NRG1: variants seen among roughly 807,000 people sequenced by gnomAD.
The protein encoded by NRG1 is neuregulin 1, also known as pro-neuregulin-1, membrane-bound isoform.
Under a neutral mutation model 63.8 loss-of-function variants are expected in NRG1, and 18 were observed. The ratio of observed to expected loss-of-function variants is 0.28; its 90% CI spans 0.19 to 0.42. The LOEUF is 0.42. Among genes scored for constraint, NRG1 ranks in the 10% least tolerant of loss-of-function variants. The pLI is 1.00. For missense variants in NRG1, 762 were observed against 814.7 expected (o/e 0.94, Z 0.79); for synonymous variants, 302 against 301.3 (o/e 1.00, Z -0.02).
At chr8:31,877,375 C>T (rs530283283) in intron 1 of NRG1, among the ~76,000 whole-genome samples, 5 of 152,126 alleles carry the variant, frequency 3.3e-5, no homozygotes, top group East Asian at 3.9e-4. Flanking sequence ...TAAGAATCAT[C>T]CACTTCAACA....
chr8:31,965,554 CT>C (rs1376548050), intron 1 of NRG1, among the ~76,000 whole-genome samples: 2 of 152,084 alleles, frequency 1.3e-5, no homozygotes, highest in African/African-American at 4.8e-5. Flanking sequence ...GATTTATTTT[CT>C]TTTGGATAAA....
At chr8:32,696,894 T>A (rs1055145646) in intron 5 of NRG1, among the ~76,000 whole-genome samples, 3 of 151,816 alleles carry the variant, frequency 2.0e-5, no homozygotes, top group Non-Finnish European at 2.9e-5. Flanking sequence ...ACTCTTGACA[T>A]CAGGTGATCC....
intron 1 of NRG1, among the ~76,000 whole-genome samples, chr8:32,215,032 G>A (rs569302504): frequency 6.6e-6 from 1 of 152,218 alleles, no homozygotes; most frequent in East Asian, 1.9e-4. Context: ...AGGAAATGGG[G>A]GACACCCAGT....
intron 1 of NRG1, among the ~76,000 whole-genome samples, chr8:31,663,579 A>C (rs1226322860): frequency 6.6e-6 from 1 of 152,196 alleles, no homozygotes; most frequent in Non-Finnish European, 1.5e-5. Flanking sequence ...TACTGCACCC[A>C]AAAGGGTATT....
At chr8:32,548,124 T>C (rs1487864415), upstream of NRG1, 1 of 773,086 alleles carries the variant, frequency 1.3e-6, no homozygotes, top group African/African-American at 1.9e-5. Flanking sequence ...GAAAAGGGGC[T>C]GCGCCCGGGA....
intron 1 of NRG1, among the ~76,000 whole-genome samples, chr8:31,846,189 T>G (rs1254918131): frequency 6.6e-6 from 1 of 152,226 alleles, no homozygotes; most frequent in Admixed American, 6.5e-5. Flanking sequence ...TGAAAGCAGG[T>G]GAATTCTAAA....
intron 1 of NRG1, among the ~76,000 whole-genome samples, chr8:31,786,612 G>A (rs1463325137): frequency 6.6e-6 from 1 of 152,178 alleles, no homozygotes; most frequent in Non-Finnish European, 1.5e-5. Context: ...CTATAAATTG[G>A]GGTTCCCTCA....
chr8:32,157,087 T>C (rs1563850100), intron 1 of NRG1, among the ~76,000 whole-genome samples: 1 of 148,294 alleles, frequency 6.7e-6, no homozygotes, highest in Non-Finnish European at 1.5e-5. Context: ...TGTGTGTGTG[T>C]GTGTAAGGAG....
chr8:31,875,188 C>T (rs1291684758), intron 1 of NRG1, among the ~76,000 whole-genome samples: 2 of 152,106 alleles, frequency 1.3e-5, no homozygotes, highest in South Asian at 2.1e-4. Flanking sequence ...CATTCTCCAC[C>T]ATTCCTTCAG....
At chr8:32,101,265 T>C (rs1023086896) in intron 1 of NRG1, among the ~76,000 whole-genome samples, 2 of 152,106 alleles carry the variant, frequency 1.3e-5, no homozygotes, top group Non-Finnish European at 2.9e-5. Context: ...ACTCACACTT[T>C]CCCCAGGTTT....
At chr8:31,822,309 G>A (rs576361130) in intron 1 of NRG1, among the ~76,000 whole-genome samples, 2 of 152,262 alleles carry the variant, frequency 1.3e-5, no homozygotes, top group East Asian at 3.9e-4. Flanking sequence ...TTATCTCTAT[G>A]TGGATGCTCA....
At chr8:32,664,653 A>T (rs942355158) in intron 5 of NRG1, among the ~76,000 whole-genome samples, 15 of 151,826 alleles carry the variant, frequency 9.9e-5, no homozygotes, top group African/African-American at 3.4e-4. Context: ...ATGATGATGA[A>T]GATGGTGATG....
chr8:31,968,321 T>C (rs1806706526), intron 1 of NRG1, among the ~76,000 whole-genome samples: 1 of 152,188 alleles, frequency 6.6e-6, no homozygotes, highest in Non-Finnish European at 1.5e-5. Context: ...CCTAACTGGC[T>C]TGGCTCATGT....
At chr8:32,558,244 G>A (rs927177478) in intron 1 of NRG1, among the ~76,000 whole-genome samples, 1 of 152,134 alleles carries the variant, frequency 6.6e-6, no homozygotes, top group African/African-American at 2.4e-5. Context: ...TGCATGGCGT[G>A]GGGAAATGTG....
chr8:31,927,024 T>A (rs139239574), intron 1 of NRG1, among the ~76,000 whole-genome samples: 2,171 of 152,276 alleles, frequency 0.014, 35 homozygotes, highest in African/African-American at 0.039. Context: ...TGATTTTTTT[T>A]AGTAATAAAT....
chr8:32,446,999 T>TTTTTTTTATTTA (rs1554544525), intron 1 of NRG1, among the ~76,000 whole-genome samples: 37 of 146,420 alleles, frequency 2.5e-4, no homozygotes, highest in African/African-American at 8.5e-4. Flanking sequence ...CTAAAATACT[T>TTTTTTTTATTTA]TTTATTTATT....
At chr8:32,202,364 T>C (rs975084984) in intron 1 of NRG1, among the ~76,000 whole-genome samples, 1 of 152,168 alleles carries the variant, frequency 6.6e-6, no homozygotes, top group African/African-American at 2.4e-5. Context: ...AAACCCCTTA[T>C]GGGATGGGGA....
At chr8:32,719,908 G>C (rs538826056) in intron 5 of NRG1, among the ~76,000 whole-genome samples, 13 of 152,176 alleles carry the variant, frequency 8.5e-5, no homozygotes, top group African/African-American at 3.1e-4. Flanking sequence ...GATTTTTAAA[G>C]ATAATACTGA....
At chr8:32,188,490 C>A (rs922890424) in intron 1 of NRG1, among the ~76,000 whole-genome samples, 1 of 152,128 alleles carries the variant, frequency 6.6e-6, no homozygotes, top group Non-Finnish European at 1.5e-5. Context: ...TGCTACATTG[C>A]ATGGCGAAGG....
Sources: gnomAD v4.1 joint callset for allele counts (sites outside exome capture counted in the v4.1 genomes callset) on GRCh38, gnomAD v4.1.1 for gene constraint, MANE v1.5 for transcripts, NCBI Gene and HGNC (gene_info 2026-07-23, HGNC 2026-07-21) for gene names.